SLC35F1: variants seen among roughly 807,000 people sequenced by gnomAD.
SLC35F1 encodes the protein chromosome 6 open reading frame 169.
SLC35F1 carries 14 observed loss-of-function variants against 48.7 expected under a neutral mutation model. The observed-to-expected ratio is 0.29, with a 90% CI of 0.19 to 0.45. The LOEUF is 0.45. SLC35F1 is among the 20% of genes least tolerant of loss of function. The pLI is 1.00. For missense variants in SLC35F1, 404 were observed against 500.0 expected (o/e 0.81, Z 1.83); for synonymous variants, 190 against 202.2 (o/e 0.94, Z 0.51).
At chr6:118,145,267 G>A (rs1322541033) in intron 1 of SLC35F1, among the ~76,000 whole-genome samples, 1 of 152,156 alleles carries the variant, frequency 6.6e-6, no homozygotes, top group Non-Finnish European at 1.5e-5. Context: ...CTCTTTTAAG[G>A]TACATCAGAG....
At chr6:118,127,960 A>G (rs1773652568) in intron 1 of SLC35F1, among the ~76,000 whole-genome samples, 1 of 152,210 alleles carries the variant, frequency 6.6e-6, no homozygotes, top group Non-Finnish European at 1.5e-5. Context: ...AAACAAATTT[A>G]TAGGAAAAAA....
chr6:118,027,507 C>T (rs4607461), intron 1 of SLC35F1, among the ~76,000 whole-genome samples: 151,395 of 152,254 alleles, frequency 0.99, 75,277 homozygotes, highest in Middle Eastern at 1. Flanking sequence ...TGGTATCTCA[C>T]TGTAGTTTTA....
At chr6:118,042,873 G>A (rs966066893) in intron 1 of SLC35F1, among the ~76,000 whole-genome samples, 28 of 152,182 alleles carry the variant, frequency 1.8e-4, no homozygotes, top group African/African-American at 6.8e-4. Context: ...TGGCTTGGGT[G>A]AATGATGTTC....
At chr6:117,954,863 C>G (rs563551462) in intron 1 of SLC35F1, among the ~76,000 whole-genome samples, 5 of 152,248 alleles carry the variant, frequency 3.3e-5, no homozygotes, top group African/African-American at 1.2e-4. Context: ...ACAGTGGTGA[C>G]CCCAAGATTT....
At position 118,115,294 on chromosome 6, in the gene SLC35F1, G is replaced by A. The variant is rs139321894; in HGVS notation, c.174-39151G>A. ...TCCCTACTGCTGCTAGAAACAAGGT[G>A]CACTGACCACATAGCAGGCATGCAC... On this transcript the variant is annotated intron_variant, in intron 1 of 7. Transcript: ENST00000360388. Among the ~76,000 whole-genome samples the A allele has an allele frequency of 3.8e-3, 581 of 152,274 alleles. 4 individuals are homozygous for A. The highest frequency in any genetic ancestry group is 0.013 in the African/African-American group (529 of 41,548).
chr6:118,131,655 C>A (rs921052124), intron 1 of SLC35F1, among the ~76,000 whole-genome samples: 1 of 152,058 alleles, frequency 6.6e-6, no homozygotes, highest in East Asian at 1.9e-4. Context: ...ACTATTTAAA[C>A]ATAGGTGCTC....
intron 1 of SLC35F1, among the ~76,000 whole-genome samples, chr6:117,960,200 T>C (rs1294051956): frequency 6.6e-6 from 1 of 151,854 alleles, no homozygotes; most frequent in Non-Finnish European, 1.5e-5. Context: ...CTATGTTTGC[T>C]TCTTTCTTTC....
At chr6:118,182,185 G>A (rs181592474) in intron 2 of SLC35F1, among the ~76,000 whole-genome samples, 9 of 152,052 alleles carry the variant, frequency 5.9e-5, no homozygotes, top group African/African-American at 2.2e-4. Context: ...GTAAACTCAA[G>A]CATGAAAAAG....
chr6:117,986,290 C>A (rs868019245), intron 1 of SLC35F1, among the ~76,000 whole-genome samples: 1 of 152,120 alleles, frequency 6.6e-6, no homozygotes, highest in Non-Finnish European at 1.5e-5. Flanking sequence ...CCATCAGAGA[C>A]CACTCTTGGA....
intron 1 of SLC35F1, among the ~76,000 whole-genome samples, chr6:118,149,907 A>G (rs1319761935): frequency 6.6e-6 from 1 of 152,178 alleles, no homozygotes; most frequent in East Asian, 1.9e-4. Context: ...TAACTCCTCT[A>G]GAGTATTTCT....
At chr6:118,193,025 A>G (rs1013304354) in intron 2 of SLC35F1, among the ~76,000 whole-genome samples, 1 of 152,182 alleles carries the variant, frequency 6.6e-6, no homozygotes, top group African/African-American at 2.4e-5. Flanking sequence ...TGATGGAGGG[A>G]AGACTTAGCT....
rs201118756 is a variant in SLC35F1, at chr6:118,087,268, T to C, written c.174-67177T>C. Among the ~76,000 whole-genome samples, 12 of 152,202 alleles carry C rather than the reference T, an allele frequency of 7.9e-5. No individual in the cohort carries two copies. In the East Asian group the frequency reaches 2.3e-3, roughly 30 times the overall value. Reference sequence around the variant, plus strand: ...CACTGATTGTGTTGATTTCCTCTTATGAGGACACCCGTCATATTGGATTAG... The same window carrying C: ...CACTGATTGTGTTGATTTCCTCTTACGAGGACACCCGTCATATTGGATTAG... On this transcript the variant is annotated intron_variant, in intron 1 of 7. Coordinates refer to ENST00000360388, the MANE Select transcript of SLC35F1 (RefSeq NM_001029858.4).
At chr6:118,173,385 T>TA (rs571653145) in intron 2 of SLC35F1, among the ~76,000 whole-genome samples, 3,264 of 129,310 alleles carry the variant, frequency 0.025, 57 homozygotes, top group Middle Eastern at 0.081. Context: ...AAGAGTTAGT[T>TA]AAAAAAAAAA....
chr6:118,276,723 G>A (rs1352903576), intron 5 of SLC35F1, among the ~76,000 whole-genome samples: 2 of 152,134 alleles, frequency 1.3e-5, no homozygotes, highest in Non-Finnish European at 1.5e-5. Context: ...TTATTCTTGA[G>A]TCCAAAAAAT....
intron 3 of SLC35F1, among the ~76,000 whole-genome samples, chr6:118,238,004 AC>A (rs1201722283): frequency 5.3e-5 from 8 of 152,292 alleles, no homozygotes; most frequent in African/African-American, 1.7e-4. Context: ...CTAGAAAAAA[AC>A]ATTGTTTCTT....
intron 6 of SLC35F1, among the ~76,000 whole-genome samples, chr6:118,283,108 G>T (rs576466239): frequency 7.4e-4 from 113 of 152,216 alleles, no homozygotes; most frequent in African/African-American, 2.7e-3. Flanking sequence ...CAATTTTCCA[G>T]CTTCCTCTGC....
rs1776561011 is a variant in SLC35F1, at chr6:117,966,128, ACCG to A, written c.173+58232_173+58234del. The stretch of plus-strand genomic sequence containing the variant: ...CCAAATAAGGGAATAAAAGCAGGCC[ACCG>A]CCCCCCCCCCCACTCCCGCCCCGCC... On this transcript the variant is annotated intron_variant, in intron 1 of 7. Coordinates refer to ENST00000360388, the MANE Select transcript of SLC35F1 (RefSeq NM_001029858.4). Among the ~76,000 whole-genome samples the A allele has an allele frequency of 4.6e-4, 8 of 17,246 alleles. No individual in the cohort carries two copies. The South Asian group carries it at 0.017, about 37-fold the overall frequency. 11.3% of individuals were successfully genotyped at this position (17,246 alleles called of 152,430 possible).
chr6:117,928,503 A>C (rs2114809941), intron 1 of SLC35F1, among the ~76,000 whole-genome samples: 1 of 152,328 alleles, frequency 6.6e-6, no homozygotes, highest in Admixed American at 6.5e-5. Context: ...ATGCCTTGAA[A>C]AAAAATGGAT....
At chr6:118,313,915 T>C (rs1776399753) in intron 7 of SLC35F1, 113 bp from the exon 8 acceptor site, 4 of 943,860 alleles carry the variant, frequency 4.2e-6, no homozygotes, top group Admixed American at 4.1e-5. Flanking sequence ...GGCCAACTCA[T>C]CATGCTGCCT....
Sources: gnomAD v4.1 joint callset for allele counts (sites outside exome capture counted in the v4.1 genomes callset) on GRCh38, gnomAD v4.1.1 for gene constraint, MANE v1.5 for transcripts, NCBI Gene and HGNC (gene_info 2026-07-23, HGNC 2026-07-21) for gene names.